Variants in CSRP1 observed in about 807,000 individuals in gnomAD.
The protein encoded by CSRP1 is cysteine and glycine rich protein 1.
CSRP1 carries 16 observed loss-of-function variants against 25.4 expected under a neutral mutation model. That is an observed-to-expected ratio of 0.63 (90% confidence interval 0.43 to 0.96). The LOEUF (loss-of-function observed/expected upper bound fraction) is 0.96. CSRP1 is among the 40% of genes least tolerant of loss of function. The pLI is 0.00. For missense variants in CSRP1, 212 were observed against 243.6 expected, an observed-to-expected ratio of 0.87 and a Z score of 0.86; for synonymous variants, 97 against 95.3, an observed-to-expected ratio of 1.02 and a Z score of -0.10.
intron 2 of CSRP1, chr1:201,495,666 T>C (rs1316812960): frequency 6.6e-6 from 1 of 152,426 alleles, no homozygotes; most frequent in African/African-American, 2.4e-5. Context: ...GGAGTAGATA[T>C]CAGGGAACTT....
At chr1:201,506,549 C>T (rs1314503941) in intron 1 of CSRP1, 1 of 152,186 alleles carries the variant, frequency 6.6e-6, no homozygotes, top group Non-Finnish European at 1.5e-5. Context: ...GTTTCAGTAA[C>T]CATCACCACC....
At chr1:201,499,635 A>G (rs747727580) in intron 1 of CSRP1, among the ~76,000 whole-genome samples, 3 of 152,104 alleles carry the variant, frequency 2.0e-5, no homozygotes, top group African/African-American at 2.4e-5. Context: ...TATTTTTTCA[A>G]GATGGAGTCT....
At chr1:201,489,064 C>A in intron 3 of CSRP1, 80 bp from the exon 4 acceptor site, 4 of 1,569,650 alleles carry the variant, frequency 2.5e-6, no homozygotes, top group Non-Finnish European at 3.5e-6. Context: ...CATGACCCTA[C>A]CTTCATCTCA....
At chr1:201,495,083 C>A (rs1664467424) in intron 2 of CSRP1, among the ~76,000 whole-genome samples, 1 of 152,162 alleles carries the variant, frequency 6.6e-6, no homozygotes, top group South Asian at 2.1e-4. Flanking sequence ...TTCTACCATC[C>A]ATTCTGCCTA....
chr1:201,496,438 C>T lies in CSRP1; in HGVS notation c.-1-134G>A. On this transcript the variant is annotated intron_variant, in intron 1 of 5. Transcript: ENST00000340006. ...GTAGAATGCCTGGGGGGCCACCAGG[C>T]CTGGCAGAGCACTTTCTGCTAGCTC... The T allele has an allele frequency of 1.1e-5, 8 of 720,256 alleles. No homozygotes were observed. In the South Asian group the frequency reaches 1.1e-4, roughly 10 times the overall value. The allele number at this position is 720,256 out of a possible 1,614,324, so 44.6% of individuals were successfully genotyped here.
chr1:201,491,030 G>C (rs556270688), intron 2 of CSRP1: 1 of 152,384 alleles, frequency 6.6e-6, no homozygotes, highest in Admixed American at 6.5e-5. Context: ...GGGTAAGAGA[G>C]AGTGGAACGG....
intron 2 of CSRP1, among the ~76,000 whole-genome samples, chr1:201,494,210 A>G (rs1664429538): frequency 1.3e-5 from 2 of 151,298 alleles, no homozygotes. Flanking sequence ...TGAATTCCTG[A>G]CTTCCCTCAA....
chr1:201,499,221 G>A (rs893080130), intron 1 of CSRP1, among the ~76,000 whole-genome samples: 21 of 152,356 alleles, frequency 1.4e-4, no homozygotes, highest in Non-Finnish European at 2.4e-4. Context: ...ACAGCAATCA[G>A]CAATGTGTGT....
At chr1:201,504,799 A>G (rs1236318164) in intron 1 of CSRP1, among the ~76,000 whole-genome samples, 7 of 70,688 alleles carry the variant, frequency 9.9e-5, no homozygotes, top group African/African-American at 1.2e-4. Flanking sequence ...GCTGTCTCCA[A>G]AAAAAAAAAA....
chr1:201,499,959 G>T (rs982762227), intron 1 of CSRP1, among the ~76,000 whole-genome samples: 64 of 152,172 alleles, frequency 4.2e-4, no homozygotes, highest in African/African-American at 1.5e-3. Context: ...CGAAGATAAA[G>T]AATGTATGCC....
intron 1 of CSRP1, among the ~76,000 whole-genome samples, chr1:201,504,668 C>T (rs1664764239): frequency 6.6e-6 from 1 of 152,166 alleles, no homozygotes; most frequent in Admixed American, 6.5e-5. Context: ...AACTATGTTG[C>T]TAGGCGCAGT....
chr1:201,495,266 G>A (rs1425654412), intron 2 of CSRP1, among the ~76,000 whole-genome samples: 1 of 152,190 alleles, frequency 6.6e-6, no homozygotes, highest in African/African-American at 2.4e-5. Flanking sequence ...AGAGCATGGT[G>A]GCATGCATGT....
At chr1:201,503,484 G>C (rs1443476911) in intron 1 of CSRP1, among the ~76,000 whole-genome samples, 4 of 152,154 alleles carry the variant, frequency 2.6e-5, no homozygotes, top group African/African-American at 7.2e-5. Flanking sequence ...TCGGGGGTAG[G>C]GGGTGCTGGC....
At chr1:201,495,429 C>G (rs1026884458) in intron 2 of CSRP1, among the ~76,000 whole-genome samples, 7 of 152,154 alleles carry the variant, frequency 4.6e-5, no homozygotes, top group Non-Finnish European at 7.4e-5. Flanking sequence ...CTAACCCAGA[C>G]CTTCTGCTCT....
chr1:201,504,875 G>A (rs1317128055), intron 1 of CSRP1, among the ~76,000 whole-genome samples: 2 of 151,988 alleles, frequency 1.3e-5, no homozygotes, highest in Non-Finnish European at 2.9e-5. Context: ...GAGGCAGGTG[G>A]ATCACCTGAG....
chr1:201,502,982 A>C (rs1211834966), intron 1 of CSRP1, among the ~76,000 whole-genome samples: 1 of 15,062 alleles, frequency 6.6e-5, no homozygotes, highest in Non-Finnish European at 2.3e-4. Flanking sequence ...TAAATATACA[A>C]AAAAAAAAAA....
chr1:201,500,090 TCCCA>T (rs1664620634), intron 1 of CSRP1, among the ~76,000 whole-genome samples: 1 of 152,198 alleles, frequency 6.6e-6, no homozygotes, highest in African/African-American at 2.4e-5. Context: ...ATCCTCTGGG[TCCCA>T]GTCACCATGC....
chr1:201,493,089 T>A (rs1189549352), intron 2 of CSRP1, among the ~76,000 whole-genome samples: 3 of 152,074 alleles, frequency 2.0e-5, no homozygotes. Context: ...GCACATAACC[T>A]CAGGGCAGGT....
chr1:201,490,000 T>A (rs767605161), intron 3 of CSRP1, 176 bp downstream of exon 3: 3 of 599,940 alleles, frequency 5.0e-6, no homozygotes, highest in Non-Finnish European at 8.5e-6. Flanking sequence ...CCCTGCTGCA[T>A]CCCCAGCTCC....
Sources: gnomAD v4.1 joint callset for allele counts (sites outside exome capture counted in the v4.1 genomes callset) on GRCh38, gnomAD v4.1.1 for gene constraint, MANE v1.5 for transcripts, NCBI Gene and HGNC (gene_info 2026-07-23, HGNC 2026-07-21) for gene names.